Variants in STK24 observed in about 807,000 individuals in gnomAD.
STK24 encodes serine/threonine kinase 24.
In STK24, 21 loss-of-function variants were observed where a neutral mutation model predicts 55.6. That is an observed-to-expected ratio of 0.38 (90% CI 0.27 to 0.54). The LOEUF is 0.54. Ranked by LOEUF, STK24 falls within the 20% of genes least tolerant of loss-of-function variation. The pLI is 0.79. For missense variants in STK24, 383 were observed against 538.4 expected (o/e 0.71, Z 2.86); for synonymous variants, 200 against 215.2 (o/e 0.93, Z 0.62).
chr13:98,563,815 G>C (rs908247426), intron 1 of STK24, among the ~76,000 whole-genome samples: 3 of 151,116 alleles, frequency 2.0e-5, no homozygotes, highest in Non-Finnish European at 2.9e-5. Flanking sequence ...AGCTGAGATC[G>C]CGCCACTGCA....
intron 1 of STK24, among the ~76,000 whole-genome samples, chr13:98,538,418 T>G (rs1168451551): frequency 6.6e-6 from 1 of 152,050 alleles, no homozygotes; most frequent in Non-Finnish European, 1.5e-5. Flanking sequence ...AGAGATGGGG[T>G]TTCACCATGT....
chr13:98,463,492 A>G (rs1373182964), intron 7 of STK24, among the ~76,000 whole-genome samples, 199 bp downstream of exon 7: 9 of 152,160 alleles, frequency 5.9e-5, no homozygotes. Context: ...GTTCACTCGC[A>G]GAAACTCCAC....
intron 1 of STK24, among the ~76,000 whole-genome samples, chr13:98,552,068 G>C (rs1897172629): frequency 6.6e-6 from 1 of 152,130 alleles, no homozygotes; most frequent in African/African-American, 2.4e-5. Flanking sequence ...GCAGTTAAGG[G>C]AACCACAGAA....
chr13:98,575,745 GAGCAAACTTTCA>G (rs1897873478), intron 1 of STK24, among the ~76,000 whole-genome samples: 1 of 152,110 alleles, frequency 6.6e-6, no homozygotes, highest in South Asian at 2.1e-4. Context: ...TAAACTGGCA[GAGCAAACTTTCA>G]TGACATATCC....
intron 1 of STK24, among the ~76,000 whole-genome samples, chr13:98,539,599 G>T (rs1037091748): frequency 6.6e-6 from 1 of 152,066 alleles, no homozygotes; most frequent in African/African-American, 2.4e-5. Flanking sequence ...TACATTACCA[G>T]CACAGTAATG....
chr13:98,446,212 G>A lies in STK24; in HGVS notation c.*6961C>T. 6.3e-7 allele frequency: 1 copy of A among 1,597,230 alleles called. No individual in the cohort carries two copies. Among genetic ancestry groups the A allele is most frequent in the Non-Finnish European group, 8.6e-7 (1 of 1,165,068 alleles). ...CTTCTACAAATCACACCAGGTAAGT[G>A]TCTCGCACAGGGCAGGTGGCCCTGG... On this transcript the variant is annotated 3_prime_UTR_variant, in exon 11 of 11. Coordinates refer to ENST00000539966, the MANE Select transcript of STK24 (RefSeq NM_001032296.4).
At chr13:98,526,570 G>A (rs536393332) in intron 1 of STK24, among the ~76,000 whole-genome samples, 1 of 152,296 alleles carries the variant, frequency 6.6e-6, no homozygotes, top group South Asian at 2.1e-4. Flanking sequence ...CACTGTACTA[G>A]GCTTGGGACC....
intron 2 of STK24, among the ~76,000 whole-genome samples, chr13:98,496,682 T>C (rs1895263582): frequency 6.6e-6 from 1 of 152,248 alleles, no homozygotes; most frequent in Non-Finnish European, 1.5e-5. Flanking sequence ...GCTGCACATG[T>C]GATCCTGTTT....
intron 1 of STK24, among the ~76,000 whole-genome samples, chr13:98,561,048 C>G (rs1374538310): frequency 1.3e-5 from 2 of 152,180 alleles, no homozygotes; most frequent in Admixed American, 6.5e-5. Flanking sequence ...CTCACACTCT[C>G]AAGGAGTATA....
At position 98,457,385 on chromosome 13, in the gene STK24, G is replaced by T. The variant is rs574923828; in HGVS notation, c.1123-81C>A. 3.7e-6 allele frequency: 6 copies of T among 1,601,868 alleles called. No homozygotes were observed. In the African/African-American group the frequency reaches 5.3e-5, roughly 14 times the overall value. ...AAGCATGCTGTTCAAGGAACAACAC[G>T]GCGTGTGGACCACGACACTACCCCA... On this transcript the variant is annotated intron_variant, in intron 9 of 10. Coordinates refer to ENST00000539966, the MANE Select transcript of STK24 (RefSeq NM_001032296.4).
rs56157936 is a variant in STK24, at chr13:98,469,544, CAA to C, written c.598-2985_598-2984del. 2.9e-4 allele frequency among the ~76,000 whole-genome samples: 43 copies of C among 148,724 alleles called. 1 individual carries two copies. The highest frequency in any genetic ancestry group is 8.0e-4 in the African/African-American group (32 of 40,150). ...GAGCAAGACCCTGCATCCCCCCCCC[CAA>C]AAAAAAAAGGCGGCGGGGGGAGGAC... On this transcript the variant is annotated intron_variant, in intron 5 of 10. Coordinates refer to ENST00000539966, the MANE Select transcript of STK24 (RefSeq NM_001032296.4).
At chr13:98,468,983 T>C (rs972528143) in intron 5 of STK24, among the ~76,000 whole-genome samples, 31 of 152,226 alleles carry the variant, frequency 2.0e-4, no homozygotes, top group African/African-American at 7.0e-4. Flanking sequence ...ACTCGGTGAC[T>C]GGCAGGCAGG....
chr13:98,538,988 G>C (rs903690402), intron 1 of STK24, among the ~76,000 whole-genome samples: 1 of 152,210 alleles, frequency 6.6e-6, no homozygotes, highest in African/African-American at 2.4e-5. Context: ...TGGTGGGGAG[G>C]GGGACACAGA....
At chr13:98,511,780 T>C (rs1895885458) in intron 2 of STK24, among the ~76,000 whole-genome samples, 2 of 148,596 alleles carry the variant, frequency 1.3e-5, no homozygotes, top group Non-Finnish European at 3.0e-5. Flanking sequence ...GGGCGGGGGA[T>C]GGTTCAGGAA....
At chr13:98,456,713 T>C (rs1893474627) in intron 10 of STK24, 2 of 368,864 alleles carry the variant, frequency 5.4e-6, no homozygotes, top group Admixed American at 3.4e-5. Context: ...CTTCCAGACA[T>C]GACACACACA....
intron 1 of STK24, among the ~76,000 whole-genome samples, chr13:98,521,190 G>A (rs936729502): frequency 6.6e-5 from 10 of 152,202 alleles, no homozygotes; most frequent in Non-Finnish European, 5.9e-5. Flanking sequence ...CATCCACTGT[G>A]TTAAAAATCA....
At chr13:98,561,529 C>T (rs1015936496) in intron 1 of STK24, among the ~76,000 whole-genome samples, 41 of 148,268 alleles carry the variant, frequency 2.8e-4, no homozygotes, top group African/African-American at 9.5e-4. Context: ...TTGCAATGAG[C>T]GAAGATCACG....
chr13:98,494,656 T>C (rs1217360893), intron 2 of STK24, among the ~76,000 whole-genome samples: 3 of 152,188 alleles, frequency 2.0e-5, no homozygotes, highest in Non-Finnish European at 4.4e-5. Flanking sequence ...TGGAACCCTC[T>C]GGTTCTCTTC....
intron 1 of STK24, chr13:98,521,874 G>A (rs565121693): frequency 2.4e-6 from 2 of 839,878 alleles, no homozygotes; most frequent in Non-Finnish European, 4.2e-6. Context: ...CCAGGATAAG[G>A]CTTCGTCAGT....
Sources: gnomAD v4.1 joint callset for allele counts (sites outside exome capture counted in the v4.1 genomes callset) on GRCh38, gnomAD v4.1.1 for gene constraint, MANE v1.5 for transcripts, NCBI Gene and HGNC (gene_info 2026-07-23, HGNC 2026-07-21) for gene names.